Variants in SHC3 observed in about 807,000 individuals in gnomAD.
The protein encoded by SHC3 is SHC-transforming protein 3.
In SHC3, 15 loss-of-function variants were observed where a neutral mutation model predicts 60.4. The observed-to-expected ratio is 0.25, with a 90% CI of 0.17 to 0.38. SHC3 has a LOEUF of 0.38. SHC3 is among the 10% of genes least tolerant of loss of function. The pLI is 1.00. For synonymous variants in SHC3, 294 were observed against 325.9 expected (o/e 0.90, Z 1.05); for missense variants, 677 against 786.1 (o/e 0.86, Z 1.66).
chr9:89,010,361 G>A lies in SHC3; in HGVS notation c.*3086C>T, dbSNP rs1039050283. ...GCAGCCTTGGAGGTCAAGAATCAAA[G>A]CTGACTTAAACCACAATGAGCACCC... On this transcript the variant is annotated 3_prime_UTR_variant, in exon 12 of 12. Coordinates refer to ENST00000375835, the MANE Select transcript of SHC3 (RefSeq NM_016848.6). The A allele has an allele frequency of 6.6e-6, 1 of 152,258 alleles. No homozygotes were observed. The highest frequency in any genetic ancestry group is 2.4e-5 in the African/African-American group (1 of 41,468). 9.4% of individuals were successfully genotyped at this position (152,258 alleles called of 1,614,324 possible).
At chr9:89,099,343 TA>T (rs1424366915) in intron 2 of SHC3, among the ~76,000 whole-genome samples, 2 of 152,232 alleles carry the variant, frequency 1.3e-5, no homozygotes, top group African/African-American at 4.8e-5. Flanking sequence ...AAGTTAAAGT[TA>T]TCCTCCAACT....
At chr9:89,127,347 G>A (rs1218661319) in intron 1 of SHC3, among the ~76,000 whole-genome samples, 1 of 152,158 alleles carries the variant, frequency 6.6e-6, no homozygotes, top group Admixed American at 6.6e-5. Context: ...CATGGCTAAA[G>A]TCTGGTAATA....
chr9:89,072,418 TG>T (rs754628855), intron 4 of SHC3, among the ~76,000 whole-genome samples: 3 of 152,062 alleles, frequency 2.0e-5, no homozygotes, highest in African/African-American at 4.8e-5. Context: ...ACAGCTAGAA[TG>T]GGGGGAAATG....
chr9:89,058,311 GGTGGTGGAGGAC>G (rs1158428607), intron 6 of SHC3, among the ~76,000 whole-genome samples: 3 of 150,866 alleles, frequency 2.0e-5, no homozygotes, highest in Non-Finnish European at 4.4e-5. Context: ...AGTGGAGGAT[GGTGGTGGAGGAC>G]ATGGTGGAGG....
chr9:89,112,374 T>C (rs1825961548), intron 2 of SHC3, among the ~76,000 whole-genome samples, 182 bp downstream of exon 2: 1 of 152,136 alleles, frequency 6.6e-6, no homozygotes, highest in South Asian at 2.1e-4. Flanking sequence ...GGTTGAGAGA[T>C]ATACATCACA....
At chr9:89,029,908 G>T (rs1193043134) in intron 11 of SHC3, among the ~76,000 whole-genome samples, 2 of 152,010 alleles carry the variant, frequency 1.3e-5, no homozygotes, top group East Asian at 3.8e-4. Flanking sequence ...TCAAATGGCA[G>T]CTATAAATCA....
chr9:89,089,550 C>G (rs916910159), intron 2 of SHC3, among the ~76,000 whole-genome samples: 1 of 152,174 alleles, frequency 6.6e-6, no homozygotes, highest in African/African-American at 2.4e-5. Context: ...TTTATGCCCC[C>G]CGACACACTG....
At chr9:89,055,494 TG>T (rs1305606860) in intron 6 of SHC3, among the ~76,000 whole-genome samples, 1 of 152,248 alleles carries the variant, frequency 6.6e-6, no homozygotes, top group Admixed American at 6.5e-5. Context: ...TACTCATTTC[TG>T]GGCACCTCTC....
intron 7 of SHC3, among the ~76,000 whole-genome samples, chr9:89,048,528 T>A (rs1341071570): frequency 6.6e-6 from 1 of 151,674 alleles, no homozygotes; most frequent in Non-Finnish European, 1.5e-5. Context: ...GAATGGGGAG[T>A]AATTGCTGAT....
At chr9:89,162,129 G>C (rs1826716186) in intron 1 of SHC3, among the ~76,000 whole-genome samples, 2 of 145,748 alleles carry the variant, frequency 1.4e-5, no homozygotes, top group Non-Finnish European at 3.0e-5. Flanking sequence ...CATGCTCATA[G>C]GTAGGAAGAA....
intron 1 of SHC3, among the ~76,000 whole-genome samples, chr9:89,151,024 T>A (rs1462246174): frequency 6.6e-6 from 1 of 152,034 alleles, no homozygotes; most frequent in Non-Finnish European, 1.5e-5. Flanking sequence ...GTCTTTTTTT[T>A]TTTTTCTTTT....
chr9:89,084,466 G>A (rs1037836983), intron 2 of SHC3, among the ~76,000 whole-genome samples: 1 of 152,196 alleles, frequency 6.6e-6, no homozygotes, highest in Non-Finnish European at 1.5e-5. Flanking sequence ...TACTAAGAAT[G>A]TATTGACCAA....
chr9:89,118,021 T>C (rs887868982), intron 1 of SHC3, among the ~76,000 whole-genome samples: 1 of 152,148 alleles, frequency 6.6e-6, no homozygotes, highest in African/African-American at 2.4e-5. Context: ...TGCTGTCTCT[T>C]GTATGTATTT....
chr9:89,060,127 A>C (rs961036603), intron 6 of SHC3, among the ~76,000 whole-genome samples: 16 of 139,840 alleles, frequency 1.1e-4, no homozygotes, highest in African/African-American at 4.1e-4. Context: ...ACAATGGTGT[A>C]GGACGTGGTG....
chr9:89,069,604 C>T (rs932777512), intron 5 of SHC3, among the ~76,000 whole-genome samples: 4 of 152,232 alleles, frequency 2.6e-5, no homozygotes, highest in Non-Finnish European at 2.9e-5. Flanking sequence ...GAACCATCTG[C>T]TGGGTGGGCA....
At chr9:89,176,117 T>G (rs1017144448) in intron 1 of SHC3, among the ~76,000 whole-genome samples, 3 of 152,312 alleles carry the variant, frequency 2.0e-5, no homozygotes, top group African/African-American at 7.2e-5. Flanking sequence ...AGTCATGCCA[T>G]GCACCCCTCA....
At chr9:89,051,515 G>A (rs759231777) in intron 7 of SHC3, among the ~76,000 whole-genome samples, 2 of 152,184 alleles carry the variant, frequency 1.3e-5, no homozygotes, top group African/African-American at 2.4e-5. Flanking sequence ...TGAGACTCAA[G>A]GAGTTTACAG....
chr9:89,039,800 C>G (rs1303255459), intron 10 of SHC3, among the ~76,000 whole-genome samples: 1 of 151,670 alleles, frequency 6.6e-6, no homozygotes, highest in African/African-American at 2.4e-5. Flanking sequence ...ATCACCACCA[C>G]CATTACCATC....
intron 6 of SHC3, among the ~76,000 whole-genome samples, chr9:89,059,056 G>GAT: frequency 6.8e-6 from 1 of 147,974 alleles, no homozygotes; most frequent in East Asian, 2.1e-4. Flanking sequence ...GGTGGAGGGC[G>GAT]GTGGTGGAGG....
Sources: gnomAD v4.1 joint callset for allele counts (sites outside exome capture counted in the v4.1 genomes callset) on GRCh38, gnomAD v4.1.1 for gene constraint, MANE v1.5 for transcripts, NCBI Gene and HGNC (gene_info 2026-07-23, HGNC 2026-07-21) for gene names.